Variants in VSTM1 observed in about 807,000 individuals in gnomAD.
The protein encoded by VSTM1 is V-set and transmembrane domain containing 1.
VSTM1 carries 27 observed loss-of-function variants against 33.1 expected under a neutral mutation model. The ratio of observed to expected loss-of-function variants is 0.82; its 90% CI spans 0.60 to 1.12. The LOEUF (loss-of-function observed/expected upper bound fraction) is 1.12. Among genes scored for constraint, VSTM1 ranks in the 50% most tolerant of loss-of-function variants. The pLI is 0.00. For synonymous variants in VSTM1, 115 were observed against 110.3 expected (o/e 1.04, Z -0.27); for missense variants, 304 against 288.9 (o/e 1.05, Z -0.38).
At chr19:54,045,150 C>T (rs750236619) in intron 4 of VSTM1, among the ~76,000 whole-genome samples, 42 of 152,104 alleles carry the variant, frequency 2.8e-4, no homozygotes, top group Non-Finnish European at 5.1e-4. Flanking sequence ...CTACTTGGTT[C>T]GCTATGTTTG....
intron 1 of VSTM1, among the ~76,000 whole-genome samples, chr19:54,060,219 C>G (rs2071329394): frequency 6.6e-6 from 1 of 152,042 alleles, no homozygotes; most frequent in African/African-American, 2.4e-5. Flanking sequence ...GTCTTCTGGT[C>G]CCAAATACTC....
chr19:54,058,662 T>C (rs1160107019), intron 2 of VSTM1, 35 bp downstream of exon 2: 2 of 1,613,886 alleles, frequency 1.2e-6, no homozygotes, highest in Non-Finnish European at 1.7e-6. Flanking sequence ...AAGCGTGGGA[T>C]GCAGGAATAA....
At chr19:54,062,507 G>C (rs2071441944) in intron 1 of VSTM1, among the ~76,000 whole-genome samples, 1 of 152,022 alleles carries the variant, frequency 6.6e-6, no homozygotes, top group African/African-American at 2.4e-5. Context: ...TAGATCACCT[G>C]AGTTCAGGAG....
chr19:54,044,852 C>A (rs1323647276), intron 4 of VSTM1, among the ~76,000 whole-genome samples: 2 of 152,124 alleles, frequency 1.3e-5, no homozygotes, highest in Admixed American at 6.5e-5. Context: ...GCAGTTCCCC[C>A]CCGTTTTTTG....
intron 1 of VSTM1, 94 bp from the exon 2 acceptor site, chr19:54,058,826 G>GATAT (rs34846502): frequency 0.032 from 19,360 of 596,868 alleles, 313 homozygotes; most frequent in Admixed American, 0.073. Context: ...ATAGGTCTGA[G>GATAT]ATATATATAT....
In VSTM1 at chr19:54,047,237, C is replaced by T. The variant is rs185457509; in HGVS notation, c.394+4173G>A. On this transcript the variant is annotated intron_variant, in intron 4 of 8. Coordinates refer to ENST00000338372, the MANE Select transcript of VSTM1 (RefSeq NM_198481.4). ...TAAATAAAATAAAACGTCACTTTCA[C>T]ACTAATGCTGTCTAAGAGCCTGCTT... Among the ~76,000 whole-genome samples the T allele has an allele frequency of 8.6e-3, 1,306 of 152,108 alleles. 19 individuals carry two copies. The highest frequency in any genetic ancestry group is 0.029 in the African/African-American group (1,224 of 41,494).
chr19:54,062,109 C>T (rs1193718877), intron 1 of VSTM1, among the ~76,000 whole-genome samples: 2 of 150,910 alleles, frequency 1.3e-5, no homozygotes, highest in Non-Finnish European at 3.0e-5. Context: ...TGAGAAAGAT[C>T]ATGCCACTGC....
In VSTM1 at chr19:54,041,768, G is replaced by A. The variant is rs747399984; in HGVS notation, c.591+11C>T. The A allele has an allele frequency of 1.5e-5, 24 of 1,612,492 alleles. No homozygotes were observed. The highest frequency in any genetic ancestry group is 4.0e-5 in the African/African-American group (3 of 74,708). Reference sequence around the variant, plus strand: ...GGAGCTCTTGTGGGACTCCTAAGCGGGAGGACTCACCGAGAGAGATACCCT... The same window carrying A: ...GGAGCTCTTGTGGGACTCCTAAGCGAGAGGACTCACCGAGAGAGATACCCT... On this transcript the variant is annotated intron_variant, in intron 8 of 8. Transcript: ENST00000338372.
At chr19:54,058,274 T>C in intron 3 of VSTM1, 32 bp downstream of exon 3, 1 of 1,535,498 alleles carries the variant, frequency 6.5e-7, no homozygotes. Flanking sequence ...CAAAGAAATG[T>C]GTGCATCAAA....
chr19:54,061,427 C>A (rs566299644), intron 1 of VSTM1, among the ~76,000 whole-genome samples: 8 of 152,246 alleles, frequency 5.3e-5, no homozygotes, highest in African/African-American at 1.7e-4. Flanking sequence ...ATTAATTAAA[C>A]TAAGATGAGG....
At chr19:54,048,287 T>C in intron 4 of VSTM1, 1 of 305,460 alleles carries the variant, frequency 3.3e-6, no homozygotes, top group African/African-American at 2.3e-5. Context: ...GGCTAATTTT[T>C]GTATTTTTTG....
intron 1 of VSTM1, 94 bp from the exon 2 acceptor site, chr19:54,058,826 GATATAT>G (rs34846502): frequency 2.6e-4 from 155 of 599,560 alleles, no homozygotes; most frequent in African/African-American, 2.4e-3. Flanking sequence ...ATAGGTCTGA[GATATAT>G]ATATATATAT....
At chr19:54,042,818 A>G (rs1202823955) in intron 4 of VSTM1, among the ~76,000 whole-genome samples, 26 of 57,904 alleles carry the variant, frequency 4.5e-4, no homozygotes, top group African/African-American at 1.4e-3. Context: ...ATATATATAT[A>G]TATATATATA....
rs1236303679 is a variant in VSTM1, at chr19:54,058,821, T to A, written c.35-89A>T. ...GAACGTATGACTAGCTCTTTATAGG[T>A]CTGAGATATATATATATATATAATG... is the stretch of plus-strand genomic sequence containing the variant. On this transcript the variant is annotated intron_variant, in intron 1 of 8. Transcript: ENST00000338372. The A allele has an allele frequency of 1.4e-5, 12 of 856,598 alleles. No homozygotes were observed. In the Admixed American group the frequency reaches 2.0e-4, roughly 14 times the overall value. The allele number at this position is 856,598 out of a possible 1,614,324, so 53.1% of individuals were successfully genotyped here.
At chr19:54,054,866 TGG>T (rs2071016301) in intron 3 of VSTM1, among the ~76,000 whole-genome samples, 1 of 132,950 alleles carries the variant, frequency 7.5e-6, no homozygotes, top group Non-Finnish European at 1.6e-5. Context: ...GATGGATGGA[TGG>T]ATGGATGGAT....
At chr19:54,044,127 G>A (rs1304371864) in intron 4 of VSTM1, among the ~76,000 whole-genome samples, 2 of 152,162 alleles carry the variant, frequency 1.3e-5, no homozygotes, top group South Asian at 2.1e-4. Context: ...GCAGTGACAC[G>A]GGCATGGAAG....
intron 4 of VSTM1, 65 bp from the exon 5 acceptor site, chr19:54,042,434 C>T (rs1367350921): frequency 3.9e-5 from 61 of 1,557,468 alleles, no homozygotes; most frequent in Non-Finnish European, 5.0e-5. Context: ...AGGGGCGAGC[C>T]GAAAAGCTAA....
intron 4 of VSTM1, chr19:54,048,220 A>G (rs2070689787): frequency 5.0e-6 from 1 of 198,916 alleles, no homozygotes; most frequent in Non-Finnish European, 1.1e-5. Flanking sequence ...GGCGCAAACG[A>G]TCTTTCTGCC....
chr19:54,059,809 A>C (rs1422259076), intron 1 of VSTM1, among the ~76,000 whole-genome samples: 1 of 148,920 alleles, frequency 6.7e-6, no homozygotes, highest in Non-Finnish European at 1.5e-5. Flanking sequence ...TAAATAATGC[A>C]AAGGTTATTT....
Sources: gnomAD v4.1 joint callset for allele counts (sites outside exome capture counted in the v4.1 genomes callset) on GRCh38, gnomAD v4.1.1 for gene constraint, MANE v1.5 for transcripts, NCBI Gene and HGNC (gene_info 2026-07-23, HGNC 2026-07-21) for gene names.